SSBP3: variants seen among roughly 807,000 people sequenced by gnomAD.
SSBP3 encodes single-stranded DNA-binding protein 3.
In SSBP3, 5 loss-of-function variants were observed where a neutral mutation model predicts 69.6. The ratio of observed to expected loss-of-function variants is 0.07; its 90% CI spans 0.04 to 0.15. The LOEUF (loss-of-function observed/expected upper bound fraction) is 0.15, where lower values mean the gene tolerates loss of function less well. Ranked by LOEUF, SSBP3 falls within the 10% of genes least tolerant of loss-of-function variation. SSBP3 has a pLI of 1.00. For missense variants in SSBP3, 312 were observed against 534.0 expected (o/e 0.58, Z 4.10); for synonymous variants, 196 against 193.4 (o/e 1.01, Z -0.11).
intron 4 of SSBP3, among the ~76,000 whole-genome samples, chr1:54,359,635 G>A (rs1646921173): frequency 6.6e-6 from 1 of 152,208 alleles, no homozygotes; most frequent in Non-Finnish European, 1.5e-5. Context: ...AGAGGTCACT[G>A]TGTTTTTGTG....
chr1:54,394,581 A>G (rs765080558), intron 4 of SSBP3, among the ~76,000 whole-genome samples: 63 of 152,028 alleles, frequency 4.1e-4, no homozygotes, highest in Non-Finnish European at 8.7e-4. Flanking sequence ...TCAAGGCCTC[A>G]GGGTCACCCC....
At chr1:54,264,137 C>CA (rs1325403896) in intron 5 of SSBP3, among the ~76,000 whole-genome samples, 5 of 151,892 alleles carry the variant, frequency 3.3e-5, no homozygotes, top group Non-Finnish European at 7.4e-5. Context: ...TCCGTCTCTA[C>CA]AAAAAAATAC....
intron 6 of SSBP3, chr1:54,257,399 G>A: frequency 1.9e-6 from 1 of 523,476 alleles, no homozygotes; most frequent in South Asian, 3.0e-5. Context: ...CTCCACATTT[G>A]TTCGTGGAGA....
Position 54,243,261 on chromosome 1 carries a change from G to A in SSBP3, c.690C>T (p.Leu230=), listed in dbSNP as rs763946505. 6.2e-6 allele frequency: 10 copies of A among 1,613,790 alleles called. No homozygotes were observed. In the Admixed American group the frequency reaches 6.7e-5, roughly 11 times the overall value. The change falls in exon 10 of 18, where the codon CTC becomes CTT. Residue 230 remains leucine, a synonymous_variant. Coordinates refer to ENST00000610401, the Ensembl canonical transcript of SSBP3. ...TGTTAATCCCGGGCATGGCGGGGCCGAGGGAGTTGGGTGGTGGTCTCATGC... is the reference window on the plus strand; with the variant it reads ...TGTTAATCCCGGGCATGGCGGGGCCAAGGGAGTTGGGTGGTGGTCTCATGC...
intron 4 of SSBP3, among the ~76,000 whole-genome samples, chr1:54,370,174 T>C (rs1443437306): frequency 6.6e-6 from 1 of 152,166 alleles, no homozygotes; most frequent in Non-Finnish European, 1.5e-5. Context: ...AGGGCCTTCC[T>C]GGAAGCTGGT....
chr1:54,393,809 G>A (rs1648667160), intron 4 of SSBP3, among the ~76,000 whole-genome samples: 1 of 151,948 alleles, frequency 6.6e-6, no homozygotes, highest in African/African-American at 2.4e-5. Context: ...GCCTAGGCTG[G>A]AGTGCAGTGA....
Position 54,401,564 on chromosome 1 carries a change from C to T in SSBP3, c.276+297G>A, listed in dbSNP as rs180995488. On this transcript the variant is annotated intron_variant, in intron 4 of 17. Coordinates refer to ENST00000610401, the Ensembl canonical transcript of SSBP3. The stretch of plus-strand genomic sequence containing the variant: ...GCTTAGTCCCCTCTCAGCTAACTGT[C>T]CACTCTTAACATAAGTCTCACAGTT... Among the ~76,000 whole-genome samples the T allele has an allele frequency of 3.3e-5, 5 of 152,312 alleles. No homozygotes were observed. The East Asian group carries it at 9.6e-4, about 29-fold the overall frequency.
intron 4 of SSBP3, among the ~76,000 whole-genome samples, chr1:54,378,384 A>G (rs555314134): frequency 6.6e-6 from 1 of 152,208 alleles, no homozygotes; most frequent in South Asian, 2.1e-4. Flanking sequence ...TTGCGCGTCC[A>G]TATTTCTGGG....
chr1:54,255,439 A>T (rs1391344906), intron 7 of SSBP3, among the ~76,000 whole-genome samples: 1 of 152,202 alleles, frequency 6.6e-6, no homozygotes, highest in African/African-American at 2.4e-5. Flanking sequence ...ACGGCAAAGC[A>T]GGCCCAGCGG....
intron 7 of SSBP3, among the ~76,000 whole-genome samples, chr1:54,252,982 C>G (rs1225041828): frequency 6.6e-6 from 1 of 152,142 alleles, no homozygotes; most frequent in African/African-American, 2.4e-5. Context: ...GCTCTCCTGC[C>G]TTGAGCTCAA....
chr1:54,388,494 T>C (rs1648247031), intron 4 of SSBP3, among the ~76,000 whole-genome samples: 1 of 152,242 alleles, frequency 6.6e-6, no homozygotes, highest in Admixed American at 6.5e-5. Context: ...ACTGCTGTTG[T>C]ATCCCTCACT....
intron 4 of SSBP3, among the ~76,000 whole-genome samples, chr1:54,307,385 C>A (rs1462946423): frequency 6.6e-6 from 1 of 152,174 alleles, no homozygotes; most frequent in Non-Finnish European, 1.5e-5. Context: ...CCCTGTCTCC[C>A]CTAGCCCGGG....
intron 4 of SSBP3, among the ~76,000 whole-genome samples, chr1:54,283,553 CTG>C (rs1274112421): frequency 6.6e-6 from 1 of 152,158 alleles, no homozygotes; most frequent in African/African-American, 2.4e-5. Context: ...ACAGAATGGG[CTG>C]TGTTTTGTAA....
chr1:54,369,298 T>TG (rs1647085294), intron 4 of SSBP3, among the ~76,000 whole-genome samples: 1 of 13,146 alleles, frequency 7.6e-5, no homozygotes, highest in Non-Finnish European at 1.6e-4. Context: ...TCCACGGGAT[T>TG]GGGGGGACGG....
At chr1:54,397,978 G>A (rs141750499) in intron 4 of SSBP3, among the ~76,000 whole-genome samples, 4 of 152,190 alleles carry the variant, frequency 2.6e-5, no homozygotes, top group East Asian at 1.9e-4. Context: ...TGAACATGTC[G>A]GGGGGCACCA....
At chr1:54,411,249 G>C (rs1451667982), upstream of SSBP3, among the ~76,000 whole-genome samples, 6 of 152,092 alleles carry the variant, frequency 3.9e-5, no homozygotes, top group South Asian at 1.2e-3. Context: ...GGCTGCCAAG[G>C]CAGGCAGATC....
At chr1:54,347,016 CAGTGG>C (rs1167454078) in intron 4 of SSBP3, among the ~76,000 whole-genome samples, 1 of 152,026 alleles carries the variant, frequency 6.6e-6, no homozygotes, top group African/African-American at 2.4e-5. Flanking sequence ...GGCTGGAGTG[CAGTGG>C]AGTGATCACA....
At chr1:54,375,995 G>A (rs1250020795) in intron 4 of SSBP3, among the ~76,000 whole-genome samples, 1 of 151,954 alleles carries the variant, frequency 6.6e-6, no homozygotes, top group Non-Finnish European at 1.5e-5. Context: ...GAGGTAGAGG[G>A]ATACAGGGCA....
At chr1:54,409,476 T>C (rs1649933515), upstream of SSBP3, among the ~76,000 whole-genome samples, 1 of 151,950 alleles carries the variant, frequency 6.6e-6, no homozygotes, top group African/African-American at 2.4e-5. Flanking sequence ...ATGTTAACAC[T>C]CAGTGCAGGC....
Sources: gnomAD v4.1 joint callset for allele counts (sites outside exome capture counted in the v4.1 genomes callset) on GRCh38, gnomAD v4.1.1 for gene constraint, MANE v1.5 for transcripts, NCBI Gene and HGNC (gene_info 2026-07-23, HGNC 2026-07-21) for gene names.